GRIN2A: variants seen among roughly 807,000 people sequenced by gnomAD.
GRIN2A encodes glutamate receptor ionotropic, NMDA 2A.
GRIN2A carries 22 observed loss-of-function variants against 113.4 expected under a neutral mutation model. The ratio of observed to expected loss-of-function variants is 0.19; its 90% confidence interval spans 0.14 to 0.28. GRIN2A has a LOEUF of 0.28. Among genes scored for constraint, GRIN2A ranks in the 10% least tolerant of loss-of-function variants. The pLI, the probability that GRIN2A is intolerant of heterozygous loss-of-function variation, is 1.00. For synonymous variants in GRIN2A, 827 were observed against 738.4 expected (o/e 1.12, Z -1.94); for missense variants, 1,502 against 1,887.0 (o/e 0.80, Z 3.78).
intron 2 of GRIN2A, among the ~76,000 whole-genome samples, chr16:10,044,032 GAGAGAGAGAGAGAGACAGAGAC>G (rs1567257965): frequency 3.7e-5 from 5 of 136,978 alleles, no homozygotes; most frequent in African/African-American, 1.4e-4. Flanking sequence ...TAGAGAGAGA[GAGAGAGAGAGAGAGACAGAGAC>G]AGAGACAGAG....
chr16:10,086,645 A>G (rs191428695), intron 2 of GRIN2A, among the ~76,000 whole-genome samples: 9 of 151,798 alleles, frequency 5.9e-5, no homozygotes, highest in Admixed American at 3.3e-4. Flanking sequence ...AGAAAAAAAT[A>G]TCTGGCTACA....
At chr16:10,156,468 G>A (rs973678339) in intron 2 of GRIN2A, among the ~76,000 whole-genome samples, 10 of 152,240 alleles carry the variant, frequency 6.6e-5, no homozygotes, top group African/African-American at 2.4e-4. Context: ...TTGACGACAA[G>A]ATGGTTTCTC....
intron 2 of GRIN2A, among the ~76,000 whole-genome samples, chr16:10,143,241 A>G (rs1041716984): frequency 6.6e-6 from 1 of 152,198 alleles, no homozygotes; most frequent in African/African-American, 2.4e-5. Context: ...TCAAAGAAGA[A>G]AGTGGACAAC....
intron 2 of GRIN2A, among the ~76,000 whole-genome samples, chr16:10,108,711 G>C (rs1442581655): frequency 6.6e-6 from 1 of 152,164 alleles, no homozygotes; most frequent in Non-Finnish European, 1.5e-5. Flanking sequence ...TGCTGTGCTA[G>C]CATACTTGGA....
intron 2 of GRIN2A, among the ~76,000 whole-genome samples, chr16:9,997,065 G>C (rs1005073529): frequency 4.6e-5 from 7 of 152,044 alleles, no homozygotes; most frequent in Non-Finnish European, 8.8e-5. Context: ...GTATCATCCT[G>C]ACAACACAGA....
In GRIN2A at chr16:9,800,634, C is replaced by T. The variant is rs535168919; in HGVS notation, c.2169-2170G>A. On this transcript the variant is annotated intron_variant, in intron 10 of 12. Transcript: ENST00000330684. The stretch of plus-strand genomic sequence containing the variant: ...TATAATGGTTTGAGGTGGCGCAAAA[C>T]TGTAGGACTTGTCTCATCCACAGAA... Among the ~76,000 whole-genome samples the T allele has an allele frequency of 7.9e-5, 12 of 152,010 alleles. No homozygotes were observed. The East Asian group carries it at 2.3e-3, about 29-fold the overall frequency.
intron 3 of GRIN2A, among the ~76,000 whole-genome samples, chr16:9,894,477 C>T (rs1375279938): frequency 6.6e-6 from 1 of 152,138 alleles, no homozygotes; most frequent in Non-Finnish European, 1.5e-5. Flanking sequence ...CTTCCTTCTC[C>T]CCTTTGATGT....
chr16:9,840,899 T>G (rs751508109), intron 6 of GRIN2A, 37 bp downstream of exon 6: 4 of 1,611,272 alleles, frequency 2.5e-6, no homozygotes. Flanking sequence ...AGGCCCTTTG[T>G]CTGAGTAAGA....
At chr16:9,787,381 C>T (rs1196329131) in intron 11 of GRIN2A, among the ~76,000 whole-genome samples, 1 of 152,230 alleles carries the variant, frequency 6.6e-6, no homozygotes, top group Non-Finnish European at 1.5e-5. Flanking sequence ...TGGACTTTGA[C>T]TCTACCTTTT....
chr16:9,778,380 A>G (rs928041558), intron 11 of GRIN2A, among the ~76,000 whole-genome samples: 5 of 152,252 alleles, frequency 3.3e-5, no homozygotes, highest in Non-Finnish European at 5.9e-5. Context: ...AGGCACATGC[A>G]TTTGTGAGCA....
intron 4 of GRIN2A, among the ~76,000 whole-genome samples, chr16:9,865,409 G>A (rs948026767): frequency 2.0e-5 from 3 of 152,174 alleles, no homozygotes; most frequent in African/African-American, 7.2e-5. Flanking sequence ...CAATCAGGAA[G>A]CCTCTCAGCA....
intron 4 of GRIN2A, among the ~76,000 whole-genome samples, chr16:9,863,920 G>A (rs1308521222): frequency 6.6e-6 from 1 of 152,152 alleles, no homozygotes; most frequent in Non-Finnish European, 1.5e-5. Context: ...TGCAAAAAAA[G>A]TTTAGGAGGA....
chr16:9,822,641 C>A (rs1007760793), intron 9 of GRIN2A, among the ~76,000 whole-genome samples: 11 of 152,162 alleles, frequency 7.2e-5, no homozygotes, highest in African/African-American at 2.7e-4. Context: ...AGGGTGGACA[C>A]AGCATCTGTT....
At chr16:10,075,722 C>T (rs1054306918) in intron 2 of GRIN2A, among the ~76,000 whole-genome samples, 4 of 152,146 alleles carry the variant, frequency 2.6e-5, no homozygotes, top group African/African-American at 9.7e-5. Flanking sequence ...TTGACTAACA[C>T]ATTCTGTACT....
At chr16:9,977,661 C>T (rs1368049889) in intron 2 of GRIN2A, among the ~76,000 whole-genome samples, 1 of 152,076 alleles carries the variant, frequency 6.6e-6, no homozygotes, top group African/African-American at 2.4e-5. Flanking sequence ...AAATTTTAAC[C>T]AGTACATATA....
chr16:9,998,959 T>G (rs2046275170), intron 2 of GRIN2A, among the ~76,000 whole-genome samples: 1 of 152,146 alleles, frequency 6.6e-6, no homozygotes, highest in Non-Finnish European at 1.5e-5. Flanking sequence ...GTGTGGAATA[T>G]ACAAAGAATC....
intron 2 of GRIN2A, among the ~76,000 whole-genome samples, chr16:10,118,051 C>A (rs950162865): frequency 6.6e-6 from 1 of 152,088 alleles, no homozygotes; most frequent in Non-Finnish European, 1.5e-5. Context: ...TTCTCTGGAG[C>A]CCCTCTTCCT....
At chr16:10,014,301 T>A (rs2046563142) in intron 2 of GRIN2A, among the ~76,000 whole-genome samples, 1 of 152,218 alleles carries the variant, frequency 6.6e-6, no homozygotes, top group Non-Finnish European at 1.5e-5. Flanking sequence ...GCAAGACCAG[T>A]ATGTATGTCT....
At chr16:9,784,195 C>T (rs1005957902) in intron 11 of GRIN2A, among the ~76,000 whole-genome samples, 3 of 152,054 alleles carry the variant, frequency 2.0e-5, no homozygotes, top group Admixed American at 6.6e-5. Context: ...TTTGGGAAGC[C>T]GAGGTGGGTG....
Sources: gnomAD v4.1 joint callset for allele counts (sites outside exome capture counted in the v4.1 genomes callset) on GRCh38, gnomAD v4.1.1 for gene constraint, MANE v1.5 for transcripts, NCBI Gene and HGNC (gene_info 2026-07-23, HGNC 2026-07-21) for gene names.